The following EPG5 variants were observed in gnomAD, a reference collection of about 807,000 sequenced individuals.
EPG5 encodes the protein ectopic P-granules 5 autophagy tethering factor.
In EPG5, 159 loss-of-function variants were observed where a neutral mutation model predicts 302.7. That is an observed-to-expected ratio of 0.53 (90% confidence interval 0.46 to 0.60). EPG5 has a LOEUF of 0.60. Ranked by LOEUF, EPG5 falls within the 20% of genes least tolerant of loss-of-function variation. The pLI, the probability that EPG5 is intolerant of heterozygous loss-of-function variation, is 0.00. For missense variants in EPG5, 2,896 were observed against 3,092.4 expected (o/e 0.94, Z 1.51); for synonymous variants, 1,158 against 1,136.8 (o/e 1.02, Z -0.37).
At chr18:45,904,781 G>A (rs1323278620) in intron 24 of EPG5, among the ~76,000 whole-genome samples, 1 of 152,070 alleles carries the variant, frequency 6.6e-6, no homozygotes, top group Non-Finnish European at 1.5e-5. Context: ...GTGGAAACTT[G>A]AACATTGACT....
At chr18:45,817,110 CAG>C in the EPG5 span, among the ~76,000 whole-genome samples, 5 of 152,064 alleles carry the variant, frequency 3.3e-5, no homozygotes, top group Non-Finnish European at 7.4e-5. Context: ...TTTGGAGACT[CAG>C]GGGGAATGCG....
chr18:45,937,686 C>T (rs867035507), intron 10 of EPG5, among the ~76,000 whole-genome samples: 25 of 151,976 alleles, frequency 1.6e-4, no homozygotes, highest in Admixed American at 2.6e-4. Flanking sequence ...GGATTACAGG[C>T]ATGAGCCACC....
intron 30 of EPG5, 90 bp from the exon 31 acceptor site, chr18:45,882,577 C>A: frequency 2.2e-6 from 2 of 893,474 alleles, no homozygotes; most frequent in Non-Finnish European, 3.3e-6. Flanking sequence ...AGTTTAAAAG[C>A]CAAAAATTAC....
chr18:45,928,162 G>A (rs1434336053), intron 13 of EPG5, among the ~76,000 whole-genome samples: 5 of 151,366 alleles, frequency 3.3e-5, no homozygotes. Context: ...GCAGTGAGCC[G>A]AGATTGAGCC....
Position 45,850,810 on chromosome 18 carries a change from C to T in EPG5, c.*1657G>A, listed in dbSNP as rs1034554897. The T allele has an allele frequency of 5.2e-5, 8 of 152,618 alleles. No individual in the cohort carries two copies. Among genetic ancestry groups the T allele is most frequent in the African/African-American group, 1.4e-4 (6 of 41,452 alleles). The allele number at this position is 152,618 out of a possible 1,614,324, so 9.5% of individuals were successfully genotyped here. On this transcript the variant is annotated 3_prime_UTR_variant, in exon 44 of 44. Coordinates refer to ENST00000282041, the MANE Select transcript of EPG5 (RefSeq NM_020964.3). The stretch of plus-strand genomic sequence containing the variant: ...TCCTCAAAGAAAACACAAAATATTT[C>T]CAAACAAAAATCGCTGTTGCCAGAT...
Position 45,915,566 on chromosome 18 carries a change from A to AG in EPG5, c.3637_3638insC (p.Ile1213ThrfsTer34), listed in dbSNP as rs777753118. On this transcript the variant is annotated frameshift_variant, in exon 20 of 44. Coordinates refer to ENST00000282041, the MANE Select transcript of EPG5 (RefSeq NM_020964.3). LOFTEE classifies it high-confidence loss of function. ...GGAAGGAGTGATGTTGCCTGCCACA[A>AG]TCCAGCTTACCAAAGATGAGAGCAG... 1 of 1,614,070 alleles carries AG rather than the reference A, an allele frequency of 6.2e-7. No homozygotes were observed. Among genetic ancestry groups the AG allele is most frequent in the Non-Finnish European group, 8.5e-7 (1 of 1,180,032 alleles).
At chr18:45,834,352 T>C in the EPG5 span, among the ~76,000 whole-genome samples, 1 of 152,210 alleles carries the variant, frequency 6.6e-6, no homozygotes, top group Non-Finnish European at 1.5e-5. Context: ...GTCCCTGCCC[T>C]GCCAGAGCTT....
At chr18:45,940,107 A>G (rs1315641161) in intron 9 of EPG5, among the ~76,000 whole-genome samples, 1 of 152,176 alleles carries the variant, frequency 6.6e-6, no homozygotes, top group Non-Finnish European at 1.5e-5. Flanking sequence ...AGGGCTTACT[A>G]AAGAGGGACA....
intron 16 of EPG5, among the ~76,000 whole-genome samples, chr18:45,918,750 A>G (rs1305029053): frequency 6.6e-6 from 1 of 152,186 alleles, no homozygotes; most frequent in Non-Finnish European, 1.5e-5. Context: ...CTTCTGCTAT[A>G]AAGATACTAG....
chr18:45,810,299 G>A, the EPG5 span, among the ~76,000 whole-genome samples: 1 of 152,188 alleles, frequency 6.6e-6, no homozygotes, highest in Admixed American at 6.5e-5. Context: ...AAAAGAATTG[G>A]TACCAATCCT....
chr18:45,916,653 T>G, intron 17 of EPG5, 71 bp from the exon 18 acceptor site: 3 of 1,451,992 alleles, frequency 2.1e-6, no homozygotes, highest in East Asian at 4.9e-5. Flanking sequence ...TAATTACTTA[T>G]GAGGAAACAG....
intron 23 of EPG5, among the ~76,000 whole-genome samples, chr18:45,909,900 C>T (rs753397053): frequency 6.6e-6 from 1 of 152,184 alleles, no homozygotes; most frequent in Non-Finnish European, 1.5e-5. Flanking sequence ...GCACTATGAT[C>T]GTCTCACTAT....
chr18:45,896,262 C>A (rs1475416779), intron 27 of EPG5, among the ~76,000 whole-genome samples: 1 of 152,114 alleles, frequency 6.6e-6, no homozygotes, highest in Non-Finnish European at 1.5e-5. Context: ...TGGCTGCAGT[C>A]GATACTATTA....
chr18:45,880,243 G>A lies in EPG5; in HGVS notation c.5519-20C>T, dbSNP rs767781913. On this transcript the variant is annotated intron_variant, in intron 31 of 43. Transcript: ENST00000282041. ...CGGAGCCTGCCAGCAGGGACAGGAA[G>A]AGCAAGTCAGTGGCTTTCCCGAAAG... is the stretch of plus-strand genomic sequence containing the variant. 2 of 1,561,302 alleles carry A rather than the reference G, an allele frequency of 1.3e-6. No homozygotes were observed. Among genetic ancestry groups the A allele is most frequent in the African/African-American group, 1.4e-5 (1 of 72,926 alleles).
chr18:45,920,784 A>T (rs1415525524), intron 16 of EPG5, among the ~76,000 whole-genome samples: 1 of 152,226 alleles, frequency 6.6e-6, no homozygotes, highest in South Asian at 2.1e-4. Flanking sequence ...TGGGGATCAA[A>T]TGTCAACATG....
At chr18:45,835,853 G>C in the EPG5 span, among the ~76,000 whole-genome samples, 1 of 152,180 alleles carries the variant, frequency 6.6e-6, no homozygotes, top group Non-Finnish European at 1.5e-5. Context: ...CTACAATGAA[G>C]GAAGAGGACA....
rs957818143 is a variant in EPG5, at chr18:45,901,280, G to A, written c.4475-113C>T. On this transcript the variant is annotated intron_variant, in intron 25 of 43. Coordinates refer to ENST00000282041, the MANE Select transcript of EPG5 (RefSeq NM_020964.3). ...ATCCTCAAAAAATTTATAGTCTTACGATAGTTGAAGAGTTAAAGCTCATGA... is the reference window on the plus strand; with the variant it reads ...ATCCTCAAAAAATTTATAGTCTTACAATAGTTGAAGAGTTAAAGCTCATGA... The A allele has an allele frequency of 2.7e-5, 23 of 847,594 alleles. No homozygotes were observed. The Admixed American group carries it at 4.0e-4, about 15-fold the overall frequency. The allele number at this position is 847,594 out of a possible 1,614,324, so 52.5% of individuals were successfully genotyped here. A position where few individuals can be genotyped will look rare whatever the true frequency, so the allele number is the denominator to read the frequency against.
At position 45,928,907 on chromosome 18, in the gene EPG5, G is replaced by C. The variant is rs1194374920; in HGVS notation, c.2515C>G (p.Leu839Val). Residue 839 changes from leucine to valine, a missense_variant, in exon 13 of 44, where the codon CTG (leucine) becomes GTG (valine). Coordinates refer to ENST00000282041, the MANE Select transcript of EPG5 (RefSeq NM_020964.3). ...AVHPEIISVL[L>V]DRVQETIDQV... Reference sequence around the variant, plus strand: ...TCAATGGTCTCTTGAACTCTATCCAGAAGGACGGAAATTATCTCAGGGTGA... The same window carrying C: ...TCAATGGTCTCTTGAACTCTATCCACAAGGACGGAAATTATCTCAGGGTGA... The C allele has an allele frequency of 6.2e-7, 1 of 1,613,990 alleles. No individual in the cohort carries two copies. The highest frequency in any genetic ancestry group is 8.5e-7 in the Non-Finnish European group (1 of 1,179,964).
chr18:45,882,514 G>A lies in EPG5; in HGVS notation c.5305-27C>T, dbSNP rs758641207. 1.0e-4 allele frequency: 160 copies of A among 1,580,300 alleles called. 1 individual carries two copies. Among genetic ancestry groups the A allele is most frequent in the Middle Eastern group, 5.1e-4 (3 of 5,874 alleles). On this transcript the variant is annotated intron_variant, in intron 30 of 43. Transcript: ENST00000282041. ...TAAAAAGAAAAAGAAACAAAAAGCC[G>A]TTTTATTTGCACTAGAAAAATAGTT...
Sources: gnomAD v4.1 joint callset for allele counts (sites outside exome capture counted in the v4.1 genomes callset) on GRCh38, gnomAD v4.1.1 for gene constraint, MANE v1.5 for transcripts, NCBI Gene and HGNC (gene_info 2026-07-23, HGNC 2026-07-21) for gene names.